The following COL25A1 variants were observed in gnomAD, a reference collection of about 807,000 sequenced individuals.
COL25A1 encodes the protein collagen type XXV alpha 1 chain, also known as collagen alpha-1(XXV) chain.
Under a neutral mutation model 128.4 loss-of-function variants are expected in COL25A1, and 103 were observed. The observed-to-expected ratio is 0.80, with a 90% CI of 0.68 to 0.94. The LOEUF (loss-of-function observed/expected upper bound fraction) is 0.94. COL25A1 is among the 40% of genes least tolerant of loss of function. The pLI is 0.00. For synonymous variants in COL25A1, 279 were observed against 277.2 expected (o/e 1.01, Z -0.06); for missense variants, 745 against 840.0 (o/e 0.89, Z 1.40).
At chr4:109,041,977 C>T (rs748658537) in intron 5 of COL25A1, among the ~76,000 whole-genome samples, 1 of 151,990 alleles carries the variant, frequency 6.6e-6, no homozygotes, top group Non-Finnish European at 1.5e-5. Flanking sequence ...AGATGGTATC[C>T]AGAAATAGAC....
intron 3 of COL25A1, among the ~76,000 whole-genome samples, chr4:109,195,142 CAATT>C (rs1775923633): frequency 6.6e-6 from 1 of 152,040 alleles, no homozygotes; most frequent in Admixed American, 6.6e-5. Flanking sequence ...TAGACAAAAA[CAATT>C]GATGTGCACA....
chr4:109,181,043 G>A (rs1207317467), intron 3 of COL25A1, among the ~76,000 whole-genome samples: 3 of 152,124 alleles, frequency 2.0e-5, no homozygotes, highest in South Asian at 2.1e-4. Context: ...TGAGCAAAGT[G>A]GGCTCTGTCC....
At chr4:109,060,632 C>T (rs1205604940) in intron 3 of COL25A1, among the ~76,000 whole-genome samples, 5 of 151,334 alleles carry the variant, frequency 3.3e-5, no homozygotes, top group Admixed American at 6.6e-5. Context: ...GGAAGTCCTT[C>T]GCAGATGGTA....
intron 5 of COL25A1, among the ~76,000 whole-genome samples, chr4:109,039,398 C>T (rs973665148): frequency 1.9e-4 from 29 of 152,142 alleles, no homozygotes; most frequent in African/African-American, 6.8e-4. Context: ...AGCTTTATTT[C>T]ATACACCACT....
At chr4:109,256,956 C>T (rs924507435) in intron 3 of COL25A1, among the ~76,000 whole-genome samples, 1 of 152,200 alleles carries the variant, frequency 6.6e-6, no homozygotes, top group Non-Finnish European at 1.5e-5. Flanking sequence ...TTTGACCACA[C>T]TGACAAGTTC....
intron 3 of COL25A1, among the ~76,000 whole-genome samples, chr4:109,208,452 T>C (rs79871133): frequency 2.9e-4 from 43 of 150,712 alleles, no homozygotes; most frequent in African/African-American, 1.0e-3. Context: ...GAAGGGAACA[T>C]TTTTTTTCCA....
intron 3 of COL25A1, among the ~76,000 whole-genome samples, chr4:109,224,009 C>A (rs1298983196): frequency 2.0e-5 from 3 of 152,184 alleles, no homozygotes; most frequent in Non-Finnish European, 2.9e-5. Context: ...TAAAGAGCTA[C>A]ACTGACATTT....
chr4:109,036,649 G>A (rs1170431177), intron 5 of COL25A1, among the ~76,000 whole-genome samples: 2 of 152,138 alleles, frequency 1.3e-5, no homozygotes, highest in Admixed American at 1.3e-4. Context: ...CTACCTGAAA[G>A]GAAACCACAA....
Position 108,813,841 on chromosome 4 carries a change from T to G in COL25A1, c.*86A>C. The G allele has an allele frequency of 9.6e-7, 1 of 1,044,804 alleles. No individual in the cohort carries two copies. The highest frequency in any genetic ancestry group is 1.5e-6 in the Non-Finnish European group (1 of 682,958). The allele number at this position is 1,044,804 out of a possible 1,614,324, so 64.7% of individuals were successfully genotyped here. ...GCCCTATGTAAACATATCTCAGACTTGTAAAATCTGCAATTCAGTTTTCAA... is the reference window on the plus strand; with the variant it reads ...GCCCTATGTAAACATATCTCAGACTGGTAAAATCTGCAATTCAGTTTTCAA... On this transcript the variant is annotated 3_prime_UTR_variant, in exon 38 of 38. Coordinates refer to ENST00000399132, the MANE Select transcript of COL25A1 (RefSeq NM_198721.4).
intron 3 of COL25A1, among the ~76,000 whole-genome samples, chr4:109,283,755 A>G (rs946869823): frequency 1.3e-5 from 2 of 151,976 alleles, no homozygotes. Context: ...CTTCTCTTCC[A>G]TTTCTTCCTG....
chr4:108,979,341 C>T (rs1752734963), intron 6 of COL25A1, among the ~76,000 whole-genome samples: 1 of 152,000 alleles, frequency 6.6e-6, no homozygotes, highest in Non-Finnish European at 1.5e-5. Flanking sequence ...AAGAGAGGCA[C>T]AATGAATGAC....
intron 33 of COL25A1, 73 bp from the exon 34 acceptor site, chr4:108,825,295 G>T: frequency 8.6e-7 from 1 of 1,168,112 alleles, no homozygotes; most frequent in Non-Finnish European, 1.3e-6. Context: ...ATTTAAGGCT[G>T]TCTGAACATG....
chr4:109,044,782 C>A (rs760650463), intron 5 of COL25A1, among the ~76,000 whole-genome samples: 3 of 152,104 alleles, frequency 2.0e-5, no homozygotes, highest in Non-Finnish European at 2.9e-5. Context: ...CAATATATGC[C>A]TCGATAGCAC....
At chr4:109,284,870 T>G (rs1578637673) in intron 3 of COL25A1, among the ~76,000 whole-genome samples, 1 of 144,766 alleles carries the variant, frequency 6.9e-6, no homozygotes, top group Non-Finnish European at 1.5e-5. Flanking sequence ...CAATAAAGAG[T>G]GAGGAAGACA....
chr4:109,209,911 C>T (rs573937934), intron 3 of COL25A1, among the ~76,000 whole-genome samples: 5 of 151,782 alleles, frequency 3.3e-5, no homozygotes, highest in South Asian at 2.1e-4. Flanking sequence ...ATTAGCCAGG[C>T]GTAATGGTGG....
chr4:109,097,428 A>C (rs887571866), intron 3 of COL25A1, among the ~76,000 whole-genome samples: 2 of 145,946 alleles, frequency 1.4e-5, no homozygotes, highest in African/African-American at 5.2e-5. Flanking sequence ...AACATGGAGA[A>C]ACCCTGTCTA....
At chr4:109,056,786 T>C (rs1353549773) in intron 3 of COL25A1, among the ~76,000 whole-genome samples, 1 of 152,210 alleles carries the variant, frequency 6.6e-6, no homozygotes, top group Non-Finnish European at 1.5e-5. Context: ...TAGCCAGTGC[T>C]TTAGAAGAAA....
intron 31 of COL25A1, 77 bp from the exon 32 acceptor site, chr4:108,832,510 G>T: frequency 1.1e-6 from 1 of 921,234 alleles, no homozygotes; most frequent in Non-Finnish European, 1.7e-6. Flanking sequence ...ATTTTTCCTA[G>T]GTGAATGGTG....
intron 8 of COL25A1, among the ~76,000 whole-genome samples, chr4:108,956,823 G>A (rs7681469): frequency 0.048 from 7,278 of 152,234 alleles, 456 homozygotes; most frequent in African/African-American, 0.15. Context: ...ATGGGAAAGA[G>A]GAAGAAATGT....
Sources: gnomAD v4.1 joint callset for allele counts (sites outside exome capture counted in the v4.1 genomes callset) on GRCh38, gnomAD v4.1.1 for gene constraint, MANE v1.5 for transcripts, NCBI Gene and HGNC (gene_info 2026-07-23, HGNC 2026-07-21) for gene names.